The following CCDC126 variants were observed in gnomAD, a reference collection of about 807,000 sequenced individuals.
The protein encoded by CCDC126 is coiled-coil domain-containing protein 126.
In CCDC126, 5 loss-of-function variants were observed where a neutral mutation model predicts 11.7. That is an observed-to-expected ratio of 0.43 (90% CI 0.22 to 0.90). CCDC126 has a LOEUF of 0.90. Among genes scored for constraint, CCDC126 ranks in the 40% least tolerant of loss-of-function variants. The pLI is 0.27. For synonymous variants in CCDC126, 60 were observed against 61.9 expected (o/e 0.97, Z 0.14); for missense variants, 150 against 163.1 (o/e 0.92, Z 0.44).
intron 3 of CCDC126, among the ~76,000 whole-genome samples, chr7:23,620,299 T>C (rs1294569008): frequency 2.2e-4 from 33 of 152,342 alleles, no homozygotes; most frequent in African/African-American, 7.9e-4. Context: ...TGGTATCTCA[T>C]TGTGGTTTTG....
chr7:23,639,511 A>G (rs1298604971), intron 3 of CCDC126, among the ~76,000 whole-genome samples: 1 of 152,168 alleles, frequency 6.6e-6, no homozygotes, highest in Non-Finnish European at 1.5e-5. Flanking sequence ...AGTCCTCTTT[A>G]TATATACAAA....
At chr7:23,599,995 G>C (rs374996621) in intron 2 of CCDC126, among the ~76,000 whole-genome samples, 14 of 152,220 alleles carry the variant, frequency 9.2e-5, no homozygotes, top group African/African-American at 3.4e-4. Flanking sequence ...ATGTTGACCA[G>C]ACTGGTCTTG....
intron 3 of CCDC126, among the ~76,000 whole-genome samples, chr7:23,641,527 A>G (rs1176523351): frequency 1.3e-5 from 2 of 152,038 alleles, no homozygotes; most frequent in Non-Finnish European, 2.9e-5. Flanking sequence ...CAGTTTATCT[A>G]TTTTCTCTTT....
chr7:23,643,652 C>T lies in CCDC126; in HGVS notation c.*537C>T, dbSNP rs1219519582. ...TGAAAATAATGTTTTGAAATCATGA[C>T]CCAAAGAATGTATTGATTTGCACTA... On this transcript the variant is annotated 3_prime_UTR_variant, in exon 4 of 4. Coordinates refer to ENST00000307471, the MANE Select transcript of CCDC126 (RefSeq NM_138771.4). 1 of 152,516 alleles carries T rather than the reference C, an allele frequency of 6.6e-6. No homozygotes were observed. The highest frequency in any genetic ancestry group is 1.5e-5 in the Non-Finnish European group (1 of 68,028). The allele number at this position is 152,516 out of a possible 1,614,324, so 9.4% of individuals were successfully genotyped here. A position where few individuals can be genotyped will look rare whatever the true frequency, so the allele number is the denominator to read the frequency against.
At chr7:23,598,162 G>GT (rs1309212542) in intron 2 of CCDC126, 111 bp downstream of exon 2, 1 of 152,226 alleles carries the variant, frequency 6.6e-6, no homozygotes, top group East Asian at 1.9e-4. Flanking sequence ...GCCTGCCTTG[G>GT]TGATCTTGGT....
Position 23,611,214 on chromosome 7 carries a change from C to A in CCDC126, c.-102C>A. On this transcript the variant is annotated 5_prime_UTR_variant, in exon 3 of 4. Coordinates refer to ENST00000307471, the MANE Select transcript of CCDC126 (RefSeq NM_138771.4). ...AACCTTGCTGAAGATGAAGAATATACAATATTGAGGATATTTTTTTCTTTT... is the reference window on the plus strand; with the variant it reads ...AACCTTGCTGAAGATGAAGAATATAAAATATTGAGGATATTTTTTTCTTTT... The A allele has an allele frequency of 1.4e-6, 1 of 726,562 alleles. No individual in the cohort carries two copies. The highest frequency in any genetic ancestry group is 2.4e-6 in the Non-Finnish European group (1 of 418,134). 45.0% of individuals were successfully genotyped at this position (726,562 alleles called of 1,614,324 possible).
intron 3 of CCDC126, among the ~76,000 whole-genome samples, chr7:23,636,634 C>T (rs1340437906): frequency 2.8e-5 from 4 of 142,136 alleles, no homozygotes; most frequent in South Asian, 2.3e-4. Context: ...GCAACCGCCC[C>T]GTCTGAGAAG....
chr7:23,604,042 C>T (rs1782583174), intron 2 of CCDC126: 6 of 152,180 alleles, frequency 3.9e-5, no homozygotes, highest in Admixed American at 3.9e-4. Context: ...ATCATTCTAT[C>T]CGAGGTAAGA....
At chr7:23,609,269 T>C (rs546812809) in intron 2 of CCDC126, among the ~76,000 whole-genome samples, 102 of 152,152 alleles carry the variant, frequency 6.7e-4, no homozygotes, top group African/African-American at 2.4e-3. Context: ...CTGCAACTTC[T>C]GCCTCCTGGG....
At chr7:23,639,186 TTA>T (rs1397299691) in intron 3 of CCDC126, among the ~76,000 whole-genome samples, 1 of 151,312 alleles carries the variant, frequency 6.6e-6, no homozygotes, top group African/African-American at 2.4e-5. Flanking sequence ...AACATTTTTT[TTA>T]TGTCTTTTTT....
At chr7:23,641,541 T>C (rs1469239013) in intron 3 of CCDC126, among the ~76,000 whole-genome samples, 1 of 152,236 alleles carries the variant, frequency 6.6e-6, no homozygotes, top group Non-Finnish European at 1.5e-5. Context: ...TCTCTTTTGT[T>C]GCTTGTGCTT....
intron 3 of CCDC126, among the ~76,000 whole-genome samples, chr7:23,626,056 T>G (rs566127913): frequency 7.8e-4 from 118 of 152,014 alleles, no homozygotes; most frequent in African/African-American, 2.7e-3. Context: ...GTTTTAAAAT[T>G]TTATGTAGTA....
intron 3 of CCDC126, among the ~76,000 whole-genome samples, chr7:23,632,416 A>G (rs963655358): frequency 5.9e-5 from 9 of 152,334 alleles, no homozygotes; most frequent in Non-Finnish European, 1.3e-4. Flanking sequence ...ATTTATTCCA[A>G]AGATGCAAAG....
intron 3 of CCDC126, among the ~76,000 whole-genome samples, chr7:23,635,968 A>C: frequency 6.6e-6 from 1 of 151,348 alleles, no homozygotes; most frequent in East Asian, 1.9e-4. Context: ...ATCTCGGCTC[A>C]CTGCAACCTC....
In CCDC126 at chr7:23,608,041, G is replaced by A. The variant is rs116857107; in HGVS notation, c.-145-3130G>A. Among the ~76,000 whole-genome samples, 487 of 152,262 alleles carry A rather than the reference G, an allele frequency of 3.2e-3. 13 individuals are homozygous for A. The East Asian group carries it at 0.077, about 24-fold the overall frequency. On this transcript the variant is annotated intron_variant, in intron 2 of 3. Coordinates refer to ENST00000307471, the MANE Select transcript of CCDC126 (RefSeq NM_138771.4). ...TATACATATTTAATAAGTTTAAGGC[G>A]TCATGAATATTTATGAAAGGAGAAA... is the stretch of plus-strand genomic sequence containing the variant.
Position 23,643,044 on chromosome 7 carries a change from A to C in CCDC126, c.352A>C (p.Asn118His). The change falls in exon 4 of 4, where the codon AAT becomes CAT. Residue 118 changes from asparagine (N) to histidine (H), a missense_variant. By Grantham distance (68) the Asn-to-His change is moderately conservative (BLOSUM62 1). Transcript: ENST00000307471. The part of the protein sequence containing the change: ...VVNGSAANTT[N>H]GTSGNLVPVT... ...GAATGGCTCAGCAGCCAACACCACC[A>C]ATGGTACTAGTGGGAATTTGGTGCC... The C allele has an allele frequency of 6.2e-7, 1 of 1,614,192 alleles. No individual in the cohort carries two copies. The highest frequency in any genetic ancestry group is 8.5e-7 in the Non-Finnish European group (1 of 1,180,022).
intron 3 of CCDC126, among the ~76,000 whole-genome samples, chr7:23,620,191 C>G (rs1479615142): frequency 6.6e-6 from 1 of 152,160 alleles, no homozygotes; most frequent in African/African-American, 2.4e-5. Context: ...AGTTTACAGT[C>G]CCACCAACAG....
chr7:23,614,364 G>T (rs904336764), intron 3 of CCDC126, among the ~76,000 whole-genome samples: 1 of 152,146 alleles, frequency 6.6e-6, no homozygotes, highest in African/African-American at 2.4e-5. Flanking sequence ...CTTATCATGA[G>T]ATTGCAGCAA....
intron 3 of CCDC126, among the ~76,000 whole-genome samples, chr7:23,634,473 A>G (rs13226679): frequency 0.18 from 28,085 of 152,264 alleles, 2,981 homozygotes; most frequent in Non-Finnish European, 0.25. Context: ...CAAAAAACAA[A>G]CAAACAAACA....
Sources: allele counts gnomAD v4.1 joint callset (sites outside exome capture counted in the v4.1 genomes callset), GRCh38; gene constraint gnomAD v4.1.1; transcripts MANE v1.5; gene names NCBI Gene and HGNC (gene_info 2026-07-23, HGNC 2026-07-21).